CSMD1: variants seen among roughly 807,000 people sequenced by gnomAD.
CSMD1 encodes CUB and sushi domain-containing protein 1.
A neutral mutation model predicts 417.5 loss-of-function variants in CSMD1; 213 were observed. The ratio of observed to expected loss-of-function variants is 0.51; its 90% confidence interval spans 0.46 to 0.57. The LOEUF is 0.57. Ranked by LOEUF, CSMD1 falls within the 20% of genes least tolerant of loss-of-function variation. CSMD1 has a pLI of 0.00. For missense variants in CSMD1, 6,923 were observed against 4,529.7 expected, an observed-to-expected ratio of 1.53 and a Z score of -15.17; for synonymous variants, 2,862 against 1,736.8, an observed-to-expected ratio of 1.65 and a Z score of -16.11.
rs547216180 is a variant in CSMD1 at position 4,284,345 on chromosome 8, G to A, written c.415+135608C>T. Among the ~76,000 whole-genome samples the A allele has an allele frequency of 8.0e-4, 121 of 152,120 alleles. 1 individual carries two copies. Among genetic ancestry groups the A allele is most frequent in the African/African-American group, 2.8e-3 (116 of 41,514 alleles). The stretch of plus-strand genomic sequence containing the variant: ...ATCCTGCCAATGCACTCCAGCCTGG[G>A]GGACAAGAGAGAAACTACAACCCCC... On this transcript the variant is annotated intron_variant, in intron 3 of 69. Coordinates refer to ENST00000635120, the MANE Select transcript of CSMD1 (RefSeq NM_033225.6).
At chr8:4,855,609 T>C (rs892816044) in intron 1 of CSMD1, among the ~76,000 whole-genome samples, 1 of 151,952 alleles carries the variant, frequency 6.6e-6, no homozygotes, top group Admixed American at 6.6e-5. Context: ...GAGAACTACG[T>C]GAAGAATGCA....
intron 54 of CSMD1, among the ~76,000 whole-genome samples, chr8:2,985,363 G>C (rs1042962725): frequency 5.3e-5 from 8 of 151,742 alleles, no homozygotes; most frequent in African/African-American, 1.9e-4. Context: ...TTCACCACGT[G>C]AGGCAGGAGA....
chr8:3,899,981 G>C (rs1807620266), intron 5 of CSMD1, among the ~76,000 whole-genome samples: 1 of 152,252 alleles, frequency 6.6e-6, no homozygotes, highest in South Asian at 2.1e-4. Context: ...GGCTTGTTGA[G>C]CTGCAGCTAC....
chr8:3,365,831 A>G (rs1809527442), intron 20 of CSMD1, among the ~76,000 whole-genome samples: 1 of 152,208 alleles, frequency 6.6e-6, no homozygotes. Context: ...TACAAGGATT[A>G]GGGGTGTCGA....
At chr8:3,967,736 G>T (rs771777269) in intron 5 of CSMD1, among the ~76,000 whole-genome samples, 63 of 152,038 alleles carry the variant, frequency 4.1e-4, no homozygotes, top group Admixed American at 3.3e-4. Flanking sequence ...TCCAACAAAG[G>T]CCAAGAAGAA....
intron 4 of CSMD1, among the ~76,000 whole-genome samples, chr8:4,028,207 G>C (rs1011396834): frequency 2.0e-4 from 30 of 152,124 alleles, no homozygotes; most frequent in African/African-American, 6.3e-4. Flanking sequence ...AATTTCTCTA[G>C]GACAGAGGAA....
At chr8:3,281,709 T>A (rs532943632) in intron 26 of CSMD1, among the ~76,000 whole-genome samples, 1 of 152,090 alleles carries the variant, frequency 6.6e-6, no homozygotes, top group Non-Finnish European at 1.5e-5. Context: ...CACAGGGAAT[T>A]GTTAGGGCAG....
intron 5 of CSMD1, among the ~76,000 whole-genome samples, chr8:3,852,461 G>T (rs932329352): frequency 1.3e-5 from 2 of 152,188 alleles, no homozygotes; most frequent in Non-Finnish European, 2.9e-5. Context: ...GGGCTGCAGG[G>T]CTGCATTCAG....
At chr8:4,966,662 G>A (rs957553360) in intron 1 of CSMD1, among the ~76,000 whole-genome samples, 4 of 152,112 alleles carry the variant, frequency 2.6e-5, no homozygotes, top group African/African-American at 7.2e-5. Flanking sequence ...TGAAATACAA[G>A]TTAAAATTTA....
intron 2 of CSMD1, among the ~76,000 whole-genome samples, chr8:4,448,411 G>A (rs1250148830): frequency 6.6e-6 from 1 of 152,138 alleles, no homozygotes; most frequent in Admixed American, 6.6e-5. Context: ...GTAACCCTGT[G>A]TGCCCTGATG....
At chr8:3,447,968 G>C (rs1815406438) in intron 12 of CSMD1, among the ~76,000 whole-genome samples, 1 of 152,108 alleles carries the variant, frequency 6.6e-6, no homozygotes, top group Non-Finnish European at 1.5e-5. Flanking sequence ...AGAGCCTCAA[G>C]AAAAGAAAGC....
intron 1 of CSMD1, among the ~76,000 whole-genome samples, chr8:4,957,768 T>G (rs1404333501): frequency 6.6e-6 from 1 of 152,170 alleles, no homozygotes; most frequent in Non-Finnish European, 1.5e-5. Flanking sequence ...ATGCTTAATT[T>G]AAAACGTGTA....
intron 7 of CSMD1, among the ~76,000 whole-genome samples, chr8:3,670,948 T>A (rs1034373953): frequency 8.5e-5 from 9 of 106,134 alleles, no homozygotes; most frequent in African/African-American, 3.0e-4. Context: ...TGTATGGGTA[T>A]ATGTGTATGG....
chr8:3,986,784 C>A (rs949901996), intron 5 of CSMD1, among the ~76,000 whole-genome samples: 2 of 151,836 alleles, frequency 1.3e-5, no homozygotes, highest in African/African-American at 4.8e-5. Flanking sequence ...TAGATGGAGT[C>A]TCACCCTGTT....
intron 2 of CSMD1, among the ~76,000 whole-genome samples, chr8:4,518,212 A>G (rs1305614064): frequency 6.6e-6 from 1 of 152,126 alleles, no homozygotes; most frequent in Admixed American, 6.5e-5. Flanking sequence ...TCAATGCCTC[A>G]TGTTGTCATA....
intron 2 of CSMD1, among the ~76,000 whole-genome samples, chr8:4,583,932 ACACT>A (rs1383079814): frequency 6.6e-6 from 1 of 152,006 alleles, no homozygotes; most frequent in African/African-American, 2.4e-5. Context: ...ATGAGCTGTA[ACACT>A]CACCGCCAAA....
chr8:4,397,135 G>C (rs1056298371), intron 3 of CSMD1, among the ~76,000 whole-genome samples: 3 of 151,974 alleles, frequency 2.0e-5, no homozygotes, highest in Non-Finnish European at 2.9e-5. Context: ...CCATCACATG[G>C]TCGAGCAATC....
intron 2 of CSMD1, among the ~76,000 whole-genome samples, chr8:4,494,962 A>C (rs1334100869): frequency 6.6e-6 from 1 of 152,180 alleles, no homozygotes; most frequent in East Asian, 1.9e-4. Flanking sequence ...AGCAGAAAAA[A>C]ACAGTGGAGA....
chr8:4,372,992 T>C (rs967266000), intron 3 of CSMD1, among the ~76,000 whole-genome samples: 2 of 152,198 alleles, frequency 1.3e-5, no homozygotes, highest in Non-Finnish European at 2.9e-5. Flanking sequence ...GACTTCACAC[T>C]GGACAGCCCT....
Sources: allele counts gnomAD v4.1 joint callset (sites outside exome capture counted in the v4.1 genomes callset), GRCh38; gene constraint gnomAD v4.1.1; transcripts MANE v1.5; gene names NCBI Gene and HGNC (gene_info 2026-07-23, HGNC 2026-07-21).